IPMK: variants seen among roughly 807,000 people sequenced by gnomAD.
IPMK encodes the protein inositol polyphosphate multikinase.
IPMK carries 17 observed loss-of-function variants against 45.8 expected under a neutral mutation model. That is an observed-to-expected ratio of 0.37 (90% CI 0.25 to 0.56). IPMK has a LOEUF of 0.56. IPMK is among the 20% of genes least tolerant of loss of function. The pLI, the probability that IPMK is intolerant of heterozygous loss-of-function variation, is 0.79. For synonymous variants in IPMK, 180 were observed against 184.3 expected (o/e 0.98, Z 0.19); for missense variants, 399 against 498.0 (o/e 0.80, Z 1.89).
intron 3 of IPMK, among the ~76,000 whole-genome samples, chr10:58,223,218 A>G (rs1838363168): frequency 6.6e-6 from 1 of 152,224 alleles, no homozygotes; most frequent in Admixed American, 6.5e-5. Flanking sequence ...CTTGTTTAAC[A>G]TACATAATTA....
chr10:58,230,240 G>A (rs1321846114), intron 2 of IPMK, among the ~76,000 whole-genome samples: 1 of 152,216 alleles, frequency 6.6e-6, no homozygotes, highest in African/African-American at 2.4e-5. Flanking sequence ...CTGAACAAAA[G>A]GCAACAGACA....
At chr10:58,218,294 C>A (rs986829998) in intron 3 of IPMK, among the ~76,000 whole-genome samples, 60 of 152,128 alleles carry the variant, frequency 3.9e-4, no homozygotes, top group Admixed American at 2.6e-4. Context: ...ACTAATGGGA[C>A]AAGTGGAAAT....
In IPMK at chr10:58,237,732, A is replaced by G. The variant is rs757937898; in HGVS notation, c.273T>C (p.Asn91=). The change falls in exon 2 of 6, where the codon AAT becomes AAC. Residue 91 remains asparagine (N), a synonymous_variant. Coordinates refer to ENST00000373935, the MANE Select transcript of IPMK (RefSeq NM_152230.5). ...PRGPRELEFY[N]MVYAADCFDG... The stretch of plus-strand genomic sequence containing the variant: ...AAACAAATCTTACCTCACTTACCAT[A>G]TTATAGAATTCCAGCTCTCTTGGGC... 7.5e-6 allele frequency: 12 copies of G among 1,608,632 alleles called. No homozygotes were observed. Among genetic ancestry groups the G allele is most frequent in the Non-Finnish European group, 9.4e-6 (11 of 1,175,878 alleles).
intron 1 of IPMK, among the ~76,000 whole-genome samples, chr10:58,242,024 T>A (rs538433237): frequency 9.2e-5 from 14 of 151,990 alleles, no homozygotes; most frequent in African/African-American, 3.4e-4. Context: ...TGGCTTCAGT[T>A]TGCTACAGTC....
At chr10:58,249,873 G>A (rs988806135) in intron 1 of IPMK, among the ~76,000 whole-genome samples, 10 of 152,104 alleles carry the variant, frequency 6.6e-5, no homozygotes, top group Non-Finnish European at 1.5e-4. Context: ...TATGGTAAGG[G>A]ATACAGATCT....
At chr10:58,201,418 G>A (rs1380788308) in intron 4 of IPMK, among the ~76,000 whole-genome samples, 2 of 152,110 alleles carry the variant, frequency 1.3e-5, no homozygotes, top group African/African-American at 4.8e-5. Flanking sequence ...TCTGTGATTA[G>A]TGATCTTTGA....
At chr10:58,199,931 A>T (rs1837973048) in intron 4 of IPMK, among the ~76,000 whole-genome samples, 1 of 152,186 alleles carries the variant, frequency 6.6e-6, no homozygotes, top group Admixed American at 6.5e-5. Flanking sequence ...GAAAGACCCC[A>T]TTTATAAAAT....
intron 1 of IPMK, among the ~76,000 whole-genome samples, chr10:58,249,657 C>T (rs1479111256): frequency 6.6e-6 from 1 of 152,206 alleles, no homozygotes; most frequent in African/African-American, 2.4e-5. Flanking sequence ...TAGGCTGTCA[C>T]TCTGTTGATT....
intron 3 of IPMK, 88 bp downstream of exon 3, chr10:58,226,955 C>A: frequency 1.3e-6 from 1 of 776,344 alleles, no homozygotes; most frequent in East Asian, 2.6e-5. Context: ...ATAATACATA[C>A]TCAGTTAAAT....
At chr10:58,254,519 T>A (rs1248779249) in intron 1 of IPMK, among the ~76,000 whole-genome samples, 1 of 152,244 alleles carries the variant, frequency 6.6e-6, no homozygotes, top group Non-Finnish European at 1.5e-5. Context: ...AAATTATCTT[T>A]CAAAAATCTT....
At chr10:58,237,649 T>C (rs1838634179) in intron 2 of IPMK, 80 bp downstream of exon 2, 1 of 1,009,814 alleles carries the variant, frequency 9.9e-7, no homozygotes, top group African/African-American at 1.6e-5. Context: ...TGCTGTCAAA[T>C]ATGTGTCTTA....
intron 1 of IPMK, among the ~76,000 whole-genome samples, chr10:58,248,417 A>AT (rs201304742): frequency 0.018 from 2,679 of 152,190 alleles, 87 homozygotes; most frequent in African/African-American, 0.059. Context: ...CATTTTCTAA[A>AT]TTTTTTTGAT....
chr10:58,196,474 C>A lies in IPMK; in HGVS notation c.853G>T (p.Asp285Tyr). ...EKFLSKGQLS[D>Y]TEVLEYNNNF... ...TTATTGTACTCTAGTACTTCTGTGT[C>A]TGACAGTTGTCCTTTGGACAAAAAC... The change falls in exon 6 of 6, where the codon GAC (aspartate) becomes TAC (tyrosine). Residue 285 changes from aspartate (D) to tyrosine (Y), a missense_variant. Asp to Tyr is a radical substitution (Grantham distance 160). Around this residue, in one of 2 missense-constraint regions of IPMK, gnomAD observed 288 missense variants for 398.0 expected, o/e 0.72. Transcript: ENST00000373935. 7.4e-6 allele frequency: 12 copies of A among 1,614,094 alleles called. No homozygotes were observed. The highest frequency in any genetic ancestry group is 9.3e-6 in the Non-Finnish European group (11 of 1,180,002).
At chr10:58,200,023 C>T (rs894379412) in intron 4 of IPMK, among the ~76,000 whole-genome samples, 1 of 152,152 alleles carries the variant, frequency 6.6e-6, no homozygotes, top group East Asian at 1.9e-4. Flanking sequence ...CTAAAACACA[C>T]ACCTATGTTC....
intron 4 of IPMK, among the ~76,000 whole-genome samples, chr10:58,207,989 G>A (rs1335128590): frequency 2.0e-5 from 3 of 152,016 alleles, no homozygotes; most frequent in Non-Finnish European, 4.4e-5. Context: ...TGCCCAGGCT[G>A]GAGTGCAGTG....
intron 3 of IPMK, among the ~76,000 whole-genome samples, chr10:58,217,665 G>T (rs994854533): frequency 3.8e-5 from 4 of 104,950 alleles, no homozygotes; most frequent in Non-Finnish European, 5.1e-5. Flanking sequence ...TCCAGCCTGG[G>T]CAACAAGAGC....
rs762947078 is a variant in IPMK, at chr10:58,196,238, T to C, written c.1089A>G (p.Glu363=). 1.9e-6 allele frequency: 3 copies of C among 1,614,122 alleles called. No individual in the cohort carries two copies. The highest frequency in any genetic ancestry group is 3.3e-5 in the Admixed American group (2 of 60,024). The change falls in exon 6 of 6, where the codon GAA becomes GAG. Residue 363 remains glutamate, a synonymous_variant. Coordinates refer to ENST00000373935, the MANE Select transcript of IPMK (RefSeq NM_152230.5). ...HLNGNVLSQL[E]KVFYHLPTGC... ...CAGTGGGAAGATGGTAGAAAACTTTTTCCAGTTGGGAAAGTACATTTCCAT... is the reference window on the plus strand; with the variant it reads ...CAGTGGGAAGATGGTAGAAAACTTTCTCCAGTTGGGAAAGTACATTTCCAT...
intron 1 of IPMK, among the ~76,000 whole-genome samples, chr10:58,246,585 A>G (rs1250903878): frequency 7.6e-6 from 1 of 132,346 alleles, no homozygotes; most frequent in Non-Finnish European, 1.5e-5. Flanking sequence ...TGGTGCTGGG[A>G]AAACTGGCTA....
chr10:58,221,841 T>C lies in IPMK; in HGVS notation c.373+5202A>G, dbSNP rs575791551. On this transcript the variant is annotated intron_variant, in intron 3 of 5. Coordinates refer to ENST00000373935, the MANE Select transcript of IPMK (RefSeq NM_152230.5). ...TTGGCTCACTGCAACCTCCACCTCC[T>C]GGGTTCAAGCAATTCTGCTGCCTCA... Among the ~76,000 whole-genome samples, 34 of 152,216 alleles carry C rather than the reference T, an allele frequency of 2.2e-4. No individual in the cohort carries two copies. In the South Asian group the frequency reaches 7.1e-3, roughly 32 times the overall value.
Sources: gnomAD v4.1 joint callset for allele counts (sites outside exome capture counted in the v4.1 genomes callset) on GRCh38, gnomAD v4.1.1 for gene constraint, gnomAD v4.1.1 regional missense constraint, MANE v1.5 for transcripts, NCBI Gene and HGNC (gene_info 2026-07-23, HGNC 2026-07-21) for gene names.